Variants in APBA2 observed in about 807,000 individuals in gnomAD.
APBA2 encodes the protein amyloid-beta A4 precursor protein-binding family A member 2.
A neutral mutation model predicts 75.0 loss-of-function variants in APBA2; 30 were observed. The ratio of observed to expected loss-of-function variants is 0.40; its 90% CI spans 0.30 to 0.54. The LOEUF is 0.54. Ranked by LOEUF, APBA2 falls within the 20% of genes least tolerant of loss-of-function variation. The probability of loss-of-function intolerance (pLI) is 0.49; values close to 1 mark genes in which losing one functional copy is unlikely to be tolerated. For synonymous variants in APBA2, 444 were observed against 409.6 expected, an observed-to-expected ratio of 1.08 and a Z score of -1.01; for missense variants, 801 against 1,016.1, an observed-to-expected ratio of 0.79 and a Z score of 2.88.
At chr15:28,995,314 T>C (rs1205113492) in intron 2 of APBA2, among the ~76,000 whole-genome samples, 2 of 152,176 alleles carry the variant, frequency 1.3e-5, no homozygotes, top group Non-Finnish European at 2.9e-5. Context: ...CTCCTTCCTC[T>C]CTTCACTTTC....
chr15:29,077,288 C>T (rs2042892621), intron 6 of APBA2, among the ~76,000 whole-genome samples: 1 of 152,280 alleles, frequency 6.6e-6, no homozygotes, highest in Non-Finnish European at 1.5e-5. Context: ...TAGGAGCTGG[C>T]ACCTCGTGAG....
chr15:28,963,846 A>G (rs1372541471), intron 2 of APBA2, among the ~76,000 whole-genome samples: 1 of 152,248 alleles, frequency 6.6e-6, no homozygotes, highest in East Asian at 1.9e-4. Context: ...ACTGACAGTG[A>G]TGTAGTCAAC....
chr15:28,951,199 G>T (rs1305130916), intron 2 of APBA2, among the ~76,000 whole-genome samples: 2 of 152,118 alleles, frequency 1.3e-5, no homozygotes, highest in Non-Finnish European at 2.9e-5. Context: ...AATCTAGAAA[G>T]GATTTAAAAT....
chr15:29,113,716 T>A (rs554497602), intron 13 of APBA2, among the ~76,000 whole-genome samples, 160 bp from the exon 14 acceptor site: 7 of 152,342 alleles, frequency 4.6e-5, no homozygotes, highest in African/African-American at 1.7e-4. Context: ...AGAAACATAC[T>A]GCATATCATA....
intron 2 of APBA2, among the ~76,000 whole-genome samples, chr15:28,973,636 T>C (rs893131416): frequency 6.6e-6 from 1 of 152,068 alleles, no homozygotes; most frequent in African/African-American, 2.4e-5. Flanking sequence ...AACAAGTATT[T>C]TAAAATGTTT....
At chr15:29,115,926 G>A (rs2152987470) in intron 14 of APBA2, among the ~76,000 whole-genome samples, 1 of 152,256 alleles carries the variant, frequency 6.6e-6, no homozygotes, top group East Asian at 1.9e-4. Context: ...ACCCCGTGGG[G>A]AGGCCAGCAT....
chr15:28,903,417 T>C (rs2032971498), intron 1 of APBA2, among the ~76,000 whole-genome samples: 1 of 152,190 alleles, frequency 6.6e-6, no homozygotes, highest in Non-Finnish European at 1.5e-5. Flanking sequence ...GAGTAGCTGG[T>C]CGATCCACTT....
At chr15:29,101,929 T>C in intron 10 of APBA2, 145 bp downstream of exon 10, 2 of 838,640 alleles carry the variant, frequency 2.4e-6, no homozygotes, top group Non-Finnish European at 4.0e-6. Flanking sequence ...ATCTTTTGCA[T>C]ACTCTTTGGG....
chr15:29,078,225 C>T (rs758807356), intron 6 of APBA2, among the ~76,000 whole-genome samples: 8 of 151,844 alleles, frequency 5.3e-5, no homozygotes, highest in East Asian at 1.9e-4. Flanking sequence ...ACCCAGGAGG[C>T]GGAGATTGCA....
rs374863054 is a variant in APBA2 at position 29,114,067 on chromosome 15, C to T, written c.2178+51C>T. 1.5e-4 allele frequency: 242 copies of T among 1,612,552 alleles called. 1 individual carries two copies. The African/African-American group carries it at 2.8e-3, about 18-fold the overall frequency. On this transcript the variant is annotated intron_variant, in intron 14 of 14. Coordinates refer to ENST00000683413, the MANE Select transcript of APBA2 (RefSeq NM_001353788.2). ...CTGCATGCCGGTTCCCACGTGCTCCCGCCTGCCCTCCATGAGCCTCCCCCG... is the reference window on the plus strand; with the variant it reads ...CTGCATGCCGGTTCCCACGTGCTCCTGCCTGCCCTCCATGAGCCTCCCCCG...
chr15:28,985,392 G>A (rs545621390), intron 2 of APBA2, among the ~76,000 whole-genome samples: 4 of 152,264 alleles, frequency 2.6e-5, no homozygotes, highest in East Asian at 3.9e-4. Context: ...CCAGATTTTC[G>A]TGGTCATTTT....
rs1188278796 is a variant in APBA2 at position 29,094,281 on chromosome 15, A to G, written c.1219A>G (p.Met407Val). The G allele has an allele frequency of 1.2e-6, 2 of 1,614,046 alleles. No homozygotes were observed. The highest frequency in any genetic ancestry group is 2.7e-5 in the African/African-American group (2 of 74,926). Reference sequence around the variant, plus strand: ...CTTTTCTCTTCCATGCTGTCAGAGGATGCAAAAGGCTGCTAAGATCAAGAA... The same window carrying G: ...CTTTTCTCTTCCATGCTGTCAGAGGGTGCAAAAGGCTGCTAAGATCAAGAA... Reference protein sequence around the residue: ...AQEAVSRVKRMQKAAKIKKKA... With the variant: ...AQEAVSRVKRVQKAAKIKKKA... Residue 407 changes from methionine (M) to valine (V), a missense_variant, in exon 8 of 15, where the codon ATG becomes GTG. Met to Val is a conservative substitution (Grantham distance 21). Coordinates refer to ENST00000683413, the MANE Select transcript of APBA2 (RefSeq NM_001353788.2).
chr15:29,107,765 C>T (rs2044504719), intron 12 of APBA2, among the ~76,000 whole-genome samples: 1 of 152,190 alleles, frequency 6.6e-6, no homozygotes, highest in Non-Finnish European at 1.5e-5. Flanking sequence ...GCCTGGCGCA[C>T]CCGCTGACAA....
Position 29,113,917 on chromosome 15 carries a change from C to G in APBA2, c.2079C>G (p.Gly693=). The G allele has an allele frequency of 1.9e-6, 3 of 1,612,988 alleles. No homozygotes were observed. In the South Asian group the frequency reaches 3.3e-5, roughly 18 times the overall value. Residue 693 remains glycine (G), a synonymous_variant, in exon 14 of 15, where the codon GGC becomes GGG. Coordinates refer to ENST00000683413, the MANE Select transcript of APBA2 (RefSeq NM_001353788.2). The stretch of plus-strand genomic sequence containing the variant: ...GAGGGGGCATTGCTGAGCGAGGGGG[C>G]GTCCGTGTGGGCCACCGCATCATCG... The part of the protein sequence containing the change: ...LMRGGIAERG[G]VRVGHRIIEI...
At chr15:29,066,764 G>A (rs4779487) in intron 4 of APBA2, among the ~76,000 whole-genome samples, 47,705 of 152,050 alleles carry the variant, frequency 0.31, 11,437 homozygotes, top group African/African-American at 0.68. Context: ...AGGTTTTTCA[G>A]TGAATAACTG....
intron 2 of APBA2, among the ~76,000 whole-genome samples, chr15:28,972,670 C>G (rs963255607): frequency 6.6e-6 from 1 of 152,192 alleles, no homozygotes; most frequent in Non-Finnish European, 1.5e-5. Flanking sequence ...TTGTGCCCAC[C>G]AGGCACACTT....
intron 12 of APBA2, 56 bp from the exon 13 acceptor site, chr15:29,108,214 G>T: frequency 6.2e-7 from 1 of 1,611,276 alleles, no homozygotes. Flanking sequence ...CGCTCATCCT[G>T]GGTCAGGCTT....
At chr15:29,101,252 G>A (rs1425985267) in intron 9 of APBA2, among the ~76,000 whole-genome samples, 3 of 150,798 alleles carry the variant, frequency 2.0e-5, no homozygotes, top group African/African-American at 7.3e-5. Flanking sequence ...TTTTTGAGAC[G>A]GAGTTTTGCT....
chr15:29,021,533 G>A (rs2039955743), intron 3 of APBA2, among the ~76,000 whole-genome samples: 1 of 152,166 alleles, frequency 6.6e-6, no homozygotes, highest in Non-Finnish European at 1.5e-5. Context: ...AACTTTGTGA[G>A]TTTAGAGCGA....
Sources: allele counts gnomAD v4.1 joint callset (sites outside exome capture counted in the v4.1 genomes callset), GRCh38; gene constraint gnomAD v4.1.1; transcripts MANE v1.5; gene names NCBI Gene and HGNC (gene_info 2026-07-23, HGNC 2026-07-21).